The following CSMD1 variants were observed in gnomAD, a reference collection of about 807,000 sequenced individuals.
CSMD1 encodes the protein CUB and Sushi multiple domains 1, also known as CUB and sushi domain-containing protein 1.
In CSMD1, 213 loss-of-function variants were observed where a neutral mutation model predicts 417.5. That is an observed-to-expected ratio of 0.51 (90% confidence interval 0.46 to 0.57). The LOEUF (loss-of-function observed/expected upper bound fraction) is 0.57. Among genes scored for constraint, CSMD1 ranks in the 20% least tolerant of loss-of-function variants. CSMD1 has a pLI of 0.00. For missense variants in CSMD1, 6,923 were observed against 4,529.7 expected (o/e 1.53, Z -15.17); for synonymous variants, 2,862 against 1,736.8 (o/e 1.65, Z -16.11).
At chr8:4,440,617 A>T (rs1798412916) in intron 2 of CSMD1, among the ~76,000 whole-genome samples, 1 of 152,238 alleles carries the variant, frequency 6.6e-6, no homozygotes, top group Non-Finnish European at 1.5e-5. Flanking sequence ...GATAGGTAGT[A>T]CCATGCAATG....
intron 26 of CSMD1, among the ~76,000 whole-genome samples, chr8:3,263,073 T>A (rs1461969408): frequency 6.6e-6 from 1 of 152,204 alleles, no homozygotes; most frequent in Non-Finnish European, 1.5e-5. Flanking sequence ...TGTGTAATAA[T>A]TGTCCTTATA....
chr8:4,409,242 C>T (rs989246590), intron 3 of CSMD1, among the ~76,000 whole-genome samples: 1 of 152,056 alleles, frequency 6.6e-6, no homozygotes, highest in Non-Finnish European at 1.5e-5. Context: ...GCATTTTTAC[C>T]TTAACTTACA....
chr8:3,026,494 G>GCCTCACTGGA (rs199894384), intron 51 of CSMD1, among the ~76,000 whole-genome samples: 40 of 151,580 alleles, frequency 2.6e-4, no homozygotes, highest in African/African-American at 9.4e-4. Context: ...GCTTGACTGG[G>GCCTCACTGGA]CCTCACTGGA....
rs556180729 is a variant in CSMD1 at position 4,398,695 on chromosome 8, A to G, written c.415+21258T>C. Among the ~76,000 whole-genome samples the G allele has an allele frequency of 3.0e-4, 46 of 152,042 alleles. 2 individuals carry two copies. In the South Asian group the frequency reaches 9.5e-3, roughly 32 times the overall value. ...CAGGCATGAGCCATCACACCCGGCC[A>G]CTCTGCAACATTTAGCTACAGCTTT... On this transcript the variant is annotated intron_variant, in intron 3 of 69. Transcript: ENST00000635120.
chr8:3,858,254 T>C (rs894506533), intron 5 of CSMD1, among the ~76,000 whole-genome samples: 6 of 152,172 alleles, frequency 3.9e-5, no homozygotes, highest in South Asian at 4.1e-4. Context: ...TTTGATAAAG[T>C]CCACAGAATG....
chr8:4,135,323 CGAAGGAAGGGGAAAGAAG>C, intron 3 of CSMD1, among the ~76,000 whole-genome samples: 1 of 130,092 alleles, frequency 7.7e-6, no homozygotes, highest in South Asian at 2.4e-4. Context: ...GAGGGAGGAG[CGAAGGAAGGGGAAAGAAG>C]GAAGGAAGGG....
intron 3 of CSMD1, among the ~76,000 whole-genome samples, chr8:4,402,536 T>C (rs543667761): frequency 8.5e-5 from 13 of 152,320 alleles, no homozygotes; most frequent in African/African-American, 3.1e-4. Context: ...TATGCTCAAT[T>C]CTCACAGCCT....
intron 2 of CSMD1, among the ~76,000 whole-genome samples, chr8:4,538,954 A>G (rs570139369): frequency 2.0e-5 from 3 of 152,320 alleles, no homozygotes; most frequent in Admixed American, 1.3e-4. Flanking sequence ...TTTTTTCAGC[A>G]AAATGCTAAT....
At chr8:4,950,047 G>T (rs1232618323) in intron 1 of CSMD1, among the ~76,000 whole-genome samples, 2 of 152,010 alleles carry the variant, frequency 1.3e-5, no homozygotes, top group East Asian at 3.9e-4. Context: ...ATGGCACAGG[G>T]AAGAACCTAG....
intron 5 of CSMD1, among the ~76,000 whole-genome samples, chr8:3,938,486 G>C (rs1810653579): frequency 6.6e-6 from 1 of 152,154 alleles, no homozygotes; most frequent in South Asian, 2.1e-4. Context: ...TGAGTACAGA[G>C]GATGGGGAGA....
chr8:3,769,323 T>C (rs1406027193), intron 5 of CSMD1, among the ~76,000 whole-genome samples: 5 of 151,776 alleles, frequency 3.3e-5, no homozygotes, highest in Admixed American at 1.3e-4. Context: ...TTGAGAAAAA[T>C]TGCAAATATG....
At chr8:3,382,380 GTAAT>G (rs1413824639) in intron 18 of CSMD1, among the ~76,000 whole-genome samples, 21 of 143,600 alleles carry the variant, frequency 1.5e-4, no homozygotes, top group Admixed American at 1.4e-3. Context: ...AATAACTTTA[GTAAT>G]TAGTTATATA....
intron 3 of CSMD1, among the ~76,000 whole-genome samples, chr8:4,392,300 C>G (rs1803899377): frequency 6.6e-6 from 1 of 152,136 alleles, no homozygotes; most frequent in South Asian, 2.1e-4. Flanking sequence ...GAATAAAACA[C>G]AAGCGGCAGG....
chr8:4,737,170 A>T (rs1810297865), intron 1 of CSMD1, among the ~76,000 whole-genome samples: 4 of 152,166 alleles, frequency 2.6e-5, no homozygotes. Flanking sequence ...AAAGAATGAG[A>T]TCATGTCCTC....
chr8:4,055,492 T>G (rs950704874), intron 3 of CSMD1, among the ~76,000 whole-genome samples: 1 of 151,874 alleles, frequency 6.6e-6, no homozygotes, highest in Non-Finnish European at 1.5e-5. Context: ...TGTAAAGCAT[T>G]TCATATAAAT....
chr8:3,304,221 C>T (rs1292896924), intron 25 of CSMD1, among the ~76,000 whole-genome samples: 1 of 151,686 alleles, frequency 6.6e-6, no homozygotes, highest in Non-Finnish European at 1.5e-5. Flanking sequence ...TAAATTAATC[C>T]CTGTGTTCAT....
intron 5 of CSMD1, among the ~76,000 whole-genome samples, chr8:3,784,888 G>A (rs528751331): frequency 2.6e-5 from 4 of 152,256 alleles, no homozygotes; most frequent in East Asian, 1.9e-4. Context: ...GCTTAAAATT[G>A]TACTTTACAA....
intron 26 of CSMD1, among the ~76,000 whole-genome samples, chr8:3,252,899 G>C (rs565628700): frequency 6.5e-4 from 99 of 152,154 alleles, no homozygotes; most frequent in Non-Finnish European, 1.1e-3. Flanking sequence ...CTGTGGGATC[G>C]GTGGTGATAT....
intron 3 of CSMD1, among the ~76,000 whole-genome samples, chr8:4,177,953 A>G (rs1798143575): frequency 6.6e-6 from 1 of 152,188 alleles, no homozygotes; most frequent in African/African-American, 2.4e-5. Flanking sequence ...TTATCAACCA[A>G]AAAGAGTCCA....
Sources: gnomAD v4.1 joint callset for allele counts (sites outside exome capture counted in the v4.1 genomes callset) on GRCh38, gnomAD v4.1.1 for gene constraint, MANE v1.5 for transcripts, NCBI Gene and HGNC (gene_info 2026-07-23, HGNC 2026-07-21) for gene names.